TNRC6B: variants seen among roughly 807,000 people sequenced by gnomAD.
TNRC6B encodes the protein trinucleotide repeat-containing gene 6B protein.
A neutral mutation model predicts 203.6 loss-of-function variants in TNRC6B; 52 were observed. The observed-to-expected ratio is 0.26, with a 90% CI of 0.20 to 0.32. The LOEUF (loss-of-function observed/expected upper bound fraction) is 0.32. Among genes scored for constraint, TNRC6B ranks in the 10% least tolerant of loss-of-function variants. The probability of loss-of-function intolerance (pLI) is 1.00; values close to 1 mark genes in which losing one functional copy is unlikely to be tolerated. For missense variants in TNRC6B, 1,923 were observed against 2,286.2 expected (o/e 0.84, Z 3.24); for synonymous variants, 838 against 845.7 (o/e 0.99, Z 0.16).
rs1235183430 is a variant in TNRC6B at position 40,190,481 on chromosome 22, G to C, written c.5+12341G>C. On this transcript the variant is annotated intron_variant, in intron 1 of 22. Transcript: ENST00000454349. ...ATGAGTTATGAAAATGGCCATGGCA[G>C]ATTTTCTGTCATATTATGTACATTT... 2.0e-5 allele frequency among the ~76,000 whole-genome samples: 3 copies of C among 152,202 alleles called. No homozygotes were observed. In the East Asian group the frequency reaches 5.8e-4, roughly 29 times the overall value.
intron 3 of TNRC6B, among the ~76,000 whole-genome samples, chr22:40,134,469 C>T (rs1290750183): frequency 2.0e-5 from 3 of 152,164 alleles, no homozygotes; most frequent in Admixed American, 1.3e-4. Context: ...GCTAAGGAGA[C>T]ACAATGACAA....
chr22:40,057,748 G>A (rs2067812522), intron 1 of TNRC6B, among the ~76,000 whole-genome samples: 1 of 152,152 alleles, frequency 6.6e-6, no homozygotes, highest in South Asian at 2.1e-4. Context: ...ACAAGATTCT[G>A]ATGTGGAGGA....
chr22:40,191,541 G>A (rs1179721236), intron 1 of TNRC6B, among the ~76,000 whole-genome samples: 6 of 152,106 alleles, frequency 3.9e-5, no homozygotes, highest in Non-Finnish European at 1.5e-5. Context: ...GTAGCTTGGA[G>A]TTGTAGTTTG....
chr22:40,074,407 A>C (rs1430326358), intron 1 of TNRC6B, among the ~76,000 whole-genome samples: 1 of 151,916 alleles, frequency 6.6e-6, no homozygotes, highest in Non-Finnish European at 1.5e-5. Context: ...CACTTTCGGG[A>C]GGCTGAGGTA....
intron 3 of TNRC6B, among the ~76,000 whole-genome samples, chr22:40,126,982 T>C (rs2146325302): frequency 6.6e-6 from 1 of 150,700 alleles, no homozygotes; most frequent in South Asian, 2.1e-4. Flanking sequence ...AGGAGTGTTA[T>C]CATCATCAAA....
chr22:40,106,702 C>T (rs370649777), intron 1 of TNRC6B: 32 of 758,950 alleles, frequency 4.2e-5, no homozygotes, highest in East Asian at 3.2e-4. Context: ...GCTTCACAAA[C>T]GTTCCATTGA....
Position 40,266,270 on chromosome 22 carries a change from G to T in TNRC6B, c.2040G>T (p.Trp680Cys), listed in dbSNP as rs758228613. The T allele has an allele frequency of 2.5e-6, 4 of 1,593,452 alleles. No homozygotes were observed. The highest frequency in any genetic ancestry group is 2.6e-6 in the Non-Finnish European group (3 of 1,169,752). ...AAAGCAATCAAATGAAGTCTGGATG[G>T]GGGGAGCTCTCAGCCTCTACAGAGT... ...PSQSNQMKSG[W>C]GELSASTEWK... Residue 680 changes from tryptophan to cysteine, a missense_variant, in exon 5 of 23, where the codon TGG (tryptophan) becomes TGT (cysteine). Trp to Cys is a radical substitution (Grantham distance 215). This residue lies in a region of TNRC6B where 599 missense variants were observed against 656.5 expected (regional missense o/e 0.91). Coordinates refer to ENST00000454349, the MANE Select transcript of TNRC6B (RefSeq NM_001162501.2).
upstream of TNRC6B, among the ~76,000 whole-genome samples, chr22:40,177,201 G>T (rs914625449): frequency 1.3e-5 from 2 of 152,162 alleles, no homozygotes; most frequent in Non-Finnish European, 2.9e-5. Flanking sequence ...TACCTCCTGC[G>T]GTGGGGGAGG....
Position 40,327,985 on chromosome 22 carries a change from G to C in TNRC6B, c.*4744G>C, listed in dbSNP as rs2071424145. On this transcript the variant is annotated 3_prime_UTR_variant, in exon 23 of 23. Coordinates refer to ENST00000454349, the MANE Select transcript of TNRC6B (RefSeq NM_001162501.2). ...GAAAAGAAGCACTAATAGAGAAAGG[G>C]GTGTCTCACACCAGACAGAGGACCT... 1 of 151,976 alleles carries C rather than the reference G, an allele frequency of 6.6e-6. No homozygotes were observed. The highest frequency in any genetic ancestry group is 2.4e-5 in the African/African-American group (1 of 41,372). 9.4% of individuals were successfully genotyped at this position (151,976 alleles called of 1,614,324 possible).
chr22:40,243,826 C>T (rs1316718571), intron 1 of TNRC6B, among the ~76,000 whole-genome samples: 1 of 152,154 alleles, frequency 6.6e-6, no homozygotes, highest in Non-Finnish European at 1.5e-5. Flanking sequence ...CTCAGGTGAT[C>T]CACCCACCTT....
intron 1 of TNRC6B, among the ~76,000 whole-genome samples, chr22:40,244,950 A>T (rs369324498): frequency 2.6e-5 from 4 of 152,328 alleles, no homozygotes; most frequent in East Asian, 1.9e-4. Context: ...GATTCAGCAC[A>T]TTTCTCCAAC....
At chr22:40,151,050 A>G (rs1188261976) in intron 3 of TNRC6B, among the ~76,000 whole-genome samples, 1 of 152,240 alleles carries the variant, frequency 6.6e-6, no homozygotes, top group Non-Finnish European at 1.5e-5. Flanking sequence ...TATGAATGAA[A>G]GATGGTGACC....
At chr22:40,220,213 G>T (rs2069689727) in intron 1 of TNRC6B, among the ~76,000 whole-genome samples, 1 of 152,166 alleles carries the variant, frequency 6.6e-6, no homozygotes, top group South Asian at 2.1e-4. Flanking sequence ...TATGGAGTGT[G>T]TAGCAGGGAA....
At chr22:40,099,891 C>A (rs58258639) in intron 1 of TNRC6B, among the ~76,000 whole-genome samples, 8,648 of 152,002 alleles carry the variant, frequency 0.057, 787 homozygotes, top group African/African-American at 0.19. Context: ...GCTGGGACTA[C>A]AGGCGCCCGC....
At chr22:40,237,243 G>C (rs761021414) in intron 1 of TNRC6B, among the ~76,000 whole-genome samples, 7 of 152,148 alleles carry the variant, frequency 4.6e-5, no homozygotes, top group Non-Finnish European at 4.4e-5. Flanking sequence ...AACAGCAAAG[G>C]CACTGCAGGC....
chr22:40,222,683 C>CAGT (rs2069726235), intron 1 of TNRC6B, among the ~76,000 whole-genome samples: 1 of 144,794 alleles, frequency 6.9e-6, no homozygotes, highest in South Asian at 2.2e-4. Context: ...TCCTTTTATG[C>CAGT]AGTTTCCCCC....
chr22:40,265,701 T>C lies in TNRC6B; in HGVS notation c.1471T>C (p.Ser491Pro). Residue 491 changes from serine (S) to proline (P), a missense_variant, in exon 5 of 23, where the codon TCT becomes CCT. By Grantham distance (74) the Ser-to-Pro change is moderately conservative (BLOSUM62 -1). This residue lies in a region of TNRC6B where 614 missense variants were observed against 587.7 expected (regional missense o/e 1.04). Transcript: ENST00000454349. ...GTCCTGGAACTTTGGCCCCCAGGAC[T>C]CTAATGACAACAAATGGGGTGAAGG... ...GGSWNFGPQDSNDNKWGEGNK... is the reference protein window; with the variant it reads ...GGSWNFGPQDPNDNKWGEGNK... The C allele has an allele frequency of 3.7e-6, 6 of 1,613,964 alleles. No homozygotes were observed. The highest frequency in any genetic ancestry group is 5.1e-6 in the Non-Finnish European group (6 of 1,179,882).
intron 3 of TNRC6B, among the ~76,000 whole-genome samples, chr22:40,127,603 G>A (rs1016451409): frequency 6.6e-6 from 1 of 152,052 alleles, no homozygotes. Context: ...GGAAGATTGG[G>A]GCTCATGCCT....
Position 40,327,852 on chromosome 22 carries a change from T to G in TNRC6B, c.*4611T>G, listed in dbSNP as rs932002487. On this transcript the variant is annotated 3_prime_UTR_variant, in exon 23 of 23. Transcript: ENST00000454349. ...TTATGTTAATTTGAGCTTTCCCTTTTTTTTTTTTAACTACTTTTTAAAACA... is the reference window on the plus strand; with the variant it reads ...TTATGTTAATTTGAGCTTTCCCTTTGTTTTTTTTAACTACTTTTTAAAACA... 6.6e-6 allele frequency: 1 copy of G among 152,200 alleles called. No homozygotes were observed. Among genetic ancestry groups the G allele is most frequent in the Non-Finnish European group, 1.5e-5 (1 of 68,034 alleles). 9.4% of individuals were successfully genotyped at this position (152,200 alleles called of 1,614,324 possible).
Sources: gnomAD v4.1 joint callset for allele counts (sites outside exome capture counted in the v4.1 genomes callset) on GRCh38, gnomAD v4.1.1 for gene constraint, gnomAD v4.1.1 regional missense constraint, MANE v1.5 for transcripts, NCBI Gene and HGNC (gene_info 2026-07-23, HGNC 2026-07-21) for gene names.